The following SEMA6D variants were observed in gnomAD, a reference collection of about 807,000 sequenced individuals.
SEMA6D encodes the protein semaphorin-6D.
Under a neutral mutation model 106.6 loss-of-function variants are expected in SEMA6D, and 35 were observed. The ratio of observed to expected loss-of-function variants is 0.33; its 90% confidence interval spans 0.25 to 0.44. The LOEUF (loss-of-function observed/expected upper bound fraction) is 0.44, where lower values mean the gene tolerates loss of function less well. SEMA6D is among the 20% of genes least tolerant of loss of function. The pLI, the probability that SEMA6D is intolerant of heterozygous loss-of-function variation, is 1.00. For synonymous variants in SEMA6D, 499 were observed against 487.7 expected, an observed-to-expected ratio of 1.02 and a Z score of -0.31; for missense variants, 1,185 against 1,345.9, an observed-to-expected ratio of 0.88 and a Z score of 1.87.
At chr15:47,669,676 A>G (rs1742393427) in intron 4 of SEMA6D, among the ~76,000 whole-genome samples, 1 of 152,078 alleles carries the variant, frequency 6.6e-6, no homozygotes, top group African/African-American at 2.4e-5. Flanking sequence ...TCCTCTGTCA[A>G]TCTCCTTCTC....
Position 47,496,758 on chromosome 15 carries a change from A to G in SEMA6D, c.-87+26213A>G, listed in dbSNP as rs1357749690. ...CTGGATTCTCTTTTAAGAATTTGCAACATTCTAGTGATGATGATTCAAGGA... is the reference window on the plus strand; with the variant it reads ...CTGGATTCTCTTTTAAGAATTTGCAGCATTCTAGTGATGATGATTCAAGGA... On this transcript the variant is annotated intron_variant, in intron 3 of 19. Coordinates refer to the SEMA6D transcript ENST00000558014. Among the ~76,000 whole-genome samples, 3 of 152,044 alleles carry G rather than the reference A, an allele frequency of 2.0e-5. No homozygotes were observed. The East Asian group carries it at 5.8e-4, about 29-fold the overall frequency.
intron 1 of SEMA6D, among the ~76,000 whole-genome samples, chr15:47,314,403 C>G (rs2143220083): frequency 6.6e-6 from 1 of 150,920 alleles, no homozygotes; most frequent in African/African-American, 2.4e-5. Context: ...TCGAGACCAT[C>G]CTGGCTAAAA....
rs144738536 is a variant in SEMA6D, at chr15:47,556,678, C to T, written c.-86-44187C>T. ...ACAGAACTAAATGAGAAAAATTATGCAAAGTCCCTTTTCCCTCACTGCTTT... is the reference window on the plus strand; with the variant it reads ...ACAGAACTAAATGAGAAAAATTATGTAAAGTCCCTTTTCCCTCACTGCTTT... On this transcript the variant is annotated intron_variant, in intron 3 of 19. Coordinates refer to the SEMA6D transcript ENST00000558014. Among the ~76,000 whole-genome samples, 1,492 of 152,180 alleles carry T rather than the reference C, an allele frequency of 9.8e-3. 10 individuals carry two copies. Among genetic ancestry groups the T allele is most frequent in the Admixed American group, 0.021 (316 of 15,242 alleles).
upstream of SEMA6D, among the ~76,000 whole-genome samples, chr15:47,712,632 A>G (rs1486057423): frequency 1.3e-5 from 2 of 152,216 alleles, no homozygotes; most frequent in Non-Finnish European, 2.9e-5. Context: ...TTAAAAACCA[A>G]GTTTTAAGTA....
chr15:47,594,008 G>A (rs1169912338), intron 3 of SEMA6D, among the ~76,000 whole-genome samples: 1 of 152,148 alleles, frequency 6.6e-6, no homozygotes, highest in Non-Finnish European at 1.5e-5. Flanking sequence ...TTTGGGTGGG[G>A]ACACAGATCC....
At chr15:47,246,327 A>T (rs1447905817) in intron 1 of SEMA6D, among the ~76,000 whole-genome samples, 2 of 152,116 alleles carry the variant, frequency 1.3e-5, no homozygotes, top group Admixed American at 1.3e-4. Context: ...TGGGTGCATG[A>T]AGGAGGAAGA....
At chr15:47,723,172 G>T (rs1371621560) in intron 1 of SEMA6D, among the ~76,000 whole-genome samples, 2 of 152,114 alleles carry the variant, frequency 1.3e-5, no homozygotes, top group African/African-American at 4.8e-5. Flanking sequence ...GTACACGGTG[G>T]ATGTGCTCTT....
In SEMA6D at chr15:47,548,381, C is replaced by T. The variant is rs114582289; in HGVS notation, c.-86-52484C>T. On this transcript the variant is annotated intron_variant, in intron 3 of 19. Coordinates refer to the SEMA6D transcript ENST00000558014. ...CTTGCACCTGCCAGAAACACCTCCCCCTGGAACAAGTTCAGCTCTTTCTTG... is the reference window on the plus strand; with the variant it reads ...CTTGCACCTGCCAGAAACACCTCCCTCTGGAACAAGTTCAGCTCTTTCTTG... Among the ~76,000 whole-genome samples the T allele has an allele frequency of 4.5e-3, 691 of 152,252 alleles. 9 individuals carry two copies. Among genetic ancestry groups the T allele is most frequent in the African/African-American group, 0.016 (658 of 41,566 alleles).
intron 3 of SEMA6D, among the ~76,000 whole-genome samples, chr15:47,586,400 G>A (rs1018442218): frequency 2.6e-5 from 4 of 152,138 alleles, no homozygotes; most frequent in African/African-American, 9.7e-5. Flanking sequence ...GCTTCATGTC[G>A]TTTTTGTACT....
intron 3 of SEMA6D, among the ~76,000 whole-genome samples, chr15:47,544,522 T>C (rs1566874613): frequency 6.6e-6 from 1 of 152,144 alleles, no homozygotes; most frequent in Non-Finnish European, 1.5e-5. Context: ...TATTTTAAAA[T>C]ATGGAAGTAT....
chr15:47,339,309 G>C (rs1321760592), intron 1 of SEMA6D: 1 of 152,182 alleles, frequency 6.6e-6, no homozygotes, highest in Non-Finnish European at 1.5e-5. Flanking sequence ...AGTTCCAGGG[G>C]CCCAGACTTG....
chr15:47,318,909 C>A (rs1430448777), intron 1 of SEMA6D, among the ~76,000 whole-genome samples: 3 of 151,956 alleles, frequency 2.0e-5, no homozygotes, highest in East Asian at 1.9e-4. Flanking sequence ...TCCTATTTCT[C>A]CACATCCTCT....
chr15:47,196,290 C>T (rs981403117), intron 1 of SEMA6D, among the ~76,000 whole-genome samples: 4 of 152,084 alleles, frequency 2.6e-5, no homozygotes, highest in African/African-American at 9.7e-5. Flanking sequence ...TGGCTCTGCC[C>T]GTTCACTGCA....
intron 8 of SEMA6D, among the ~76,000 whole-genome samples, chr15:47,762,672 A>G (rs1330551170): frequency 6.6e-6 from 1 of 152,196 alleles, no homozygotes; most frequent in Admixed American, 6.5e-5. Context: ...TATGAGAGCC[A>G]TTTTGTTCTT....
At chr15:47,613,172 C>T (rs188986903) in intron 4 of SEMA6D, among the ~76,000 whole-genome samples, 11 of 152,206 alleles carry the variant, frequency 7.2e-5, no homozygotes. Context: ...TCTACCCCCA[C>T]ACATACACCG....
In SEMA6D at chr15:47,485,133, C is replaced by G. The variant is rs115544903; in HGVS notation, c.-87+14588C>G. ...TATGCTACAGGAGATTCACCAATTT[C>G]TTAATGATATAAATGCCATATTTGT... is the stretch of plus-strand genomic sequence containing the variant. On this transcript the variant is annotated intron_variant, in intron 3 of 19. Coordinates refer to the SEMA6D transcript ENST00000558014. Among the ~76,000 whole-genome samples, 670 of 152,248 alleles carry G rather than the reference C, an allele frequency of 4.4e-3. 4 individuals carry two copies. The highest frequency in any genetic ancestry group is 0.015 in the African/African-American group (643 of 41,560).
chr15:47,461,136 C>T (rs893922685), intron 2 of SEMA6D, among the ~76,000 whole-genome samples: 1 of 152,110 alleles, frequency 6.6e-6, no homozygotes, highest in East Asian at 1.9e-4. Context: ...GCTTGGTCTT[C>T]GCATCACTGC....
chr15:47,445,991 C>G (rs1458155966), intron 2 of SEMA6D, among the ~76,000 whole-genome samples: 2 of 152,152 alleles, frequency 1.3e-5, no homozygotes, highest in African/African-American at 4.8e-5. Flanking sequence ...CAGTGATCAC[C>G]TTTCTCTTCC....
At chr15:47,313,206 G>A (rs183771820) in intron 1 of SEMA6D, among the ~76,000 whole-genome samples, 1 of 152,156 alleles carries the variant, frequency 6.6e-6, no homozygotes, top group East Asian at 1.9e-4. Flanking sequence ...AATGTATATG[G>A]GCATTTATTT....
Sources: gnomAD v4.1 joint callset for allele counts (sites outside exome capture counted in the v4.1 genomes callset) on GRCh38, gnomAD v4.1.1 for gene constraint, MANE v1.5 for transcripts, NCBI Gene and HGNC (gene_info 2026-07-23, HGNC 2026-07-21) for gene names.